Variants in JAZF1 observed in about 807,000 individuals in gnomAD.
The protein encoded by JAZF1 is juxtaposed with another zinc finger protein 1.
Under a neutral mutation model 26.4 loss-of-function variants are expected in JAZF1, and 8 were observed. The observed-to-expected ratio is 0.30, with a 90% CI of 0.18 to 0.55. The LOEUF is 0.55. Among genes scored for constraint, JAZF1 ranks in the 20% least tolerant of loss-of-function variants. JAZF1 has a pLI of 0.94. For missense variants in JAZF1, 199 were observed against 322.0 expected (o/e 0.62, Z 2.92); for synonymous variants, 126 against 122.3 (o/e 1.03, Z -0.20).
chr7:27,905,009 T>A (rs1392031926), intron 2 of JAZF1, among the ~76,000 whole-genome samples: 1 of 152,200 alleles, frequency 6.6e-6, no homozygotes, highest in East Asian at 1.9e-4. Flanking sequence ...TCACGGCTCA[T>A]TGCAGCCTTG....
At chr7:27,986,146 T>C (rs960061528) in intron 2 of JAZF1, among the ~76,000 whole-genome samples, 1 of 152,174 alleles carries the variant, frequency 6.6e-6, no homozygotes, top group Non-Finnish European at 1.5e-5. Flanking sequence ...TAAAGGGTAT[T>C]CAATTAGGAA....
rs532517751 is a variant in JAZF1 at position 27,986,103 on chromosome 7, C to T, written c.188+5806G>A. Reference sequence around the variant, plus strand: ...CTCCTATTCAACATAGTGTTGGAAGCTCTGGCCAGGGCAATCAGGCAAGAG... The same window carrying T: ...CTCCTATTCAACATAGTGTTGGAAGTTCTGGCCAGGGCAATCAGGCAAGAG... On this transcript the variant is annotated intron_variant, in intron 2 of 4. Coordinates refer to ENST00000283928, the MANE Select transcript of JAZF1 (RefSeq NM_175061.4). Among the ~76,000 whole-genome samples the T allele has an allele frequency of 1.1e-3, 161 of 152,286 alleles. 1 individual carries two copies. The highest frequency in any genetic ancestry group is 3.4e-3 in the African/African-American group (142 of 41,538).
chr7:28,063,790 T>C (rs1013231881), intron 1 of JAZF1, among the ~76,000 whole-genome samples: 3 of 152,146 alleles, frequency 2.0e-5, no homozygotes, highest in Non-Finnish European at 4.4e-5. Flanking sequence ...TTAGGACATC[T>C]AATTCACCAG....
At chr7:28,177,775 A>C (rs1783570966) in intron 1 of JAZF1, among the ~76,000 whole-genome samples, 1 of 152,216 alleles carries the variant, frequency 6.6e-6, no homozygotes, top group African/African-American at 2.4e-5. Flanking sequence ...GATAAATACC[A>C]CATAACAATA....
chr7:28,138,128 A>G (rs1782912174), intron 1 of JAZF1, among the ~76,000 whole-genome samples: 1 of 152,212 alleles, frequency 6.6e-6, no homozygotes, highest in South Asian at 2.1e-4. Context: ...ACCTGCTATG[A>G]AACAAGCAGG....
intron 1 of JAZF1, among the ~76,000 whole-genome samples, chr7:27,994,246 T>A (rs1347869674): frequency 6.6e-6 from 1 of 152,198 alleles, no homozygotes; most frequent in Non-Finnish European, 1.5e-5. Context: ...TCACACAAAC[T>A]GCATCTTGTA....
chr7:27,833,973 T>G (rs1320926219), intron 4 of JAZF1, among the ~76,000 whole-genome samples: 1 of 152,056 alleles, frequency 6.6e-6, no homozygotes, highest in Non-Finnish European at 1.5e-5. Flanking sequence ...ATTGCCAGAT[T>G]AGAGAGTAAG....
intron 1 of JAZF1, among the ~76,000 whole-genome samples, chr7:28,021,380 G>A (rs545591775): frequency 1.3e-5 from 2 of 152,294 alleles, no homozygotes; most frequent in African/African-American, 4.8e-5. Context: ...TGATCTGTGA[G>A]CTCTCAAAAC....
chr7:28,034,499 C>CACAT (rs1783251098), intron 1 of JAZF1, among the ~76,000 whole-genome samples: 1 of 151,314 alleles, frequency 6.6e-6, no homozygotes, highest in African/African-American at 2.5e-5. Flanking sequence ...CACACACACA[C>CACAT]ACACTGATTT....
chr7:27,933,529 T>G (rs1784718117), intron 2 of JAZF1, among the ~76,000 whole-genome samples: 1 of 152,240 alleles, frequency 6.6e-6, no homozygotes, highest in Non-Finnish European at 1.5e-5. Flanking sequence ...CAAAACAGGT[T>G]GTTTGGCTAT....
At chr7:27,924,203 G>A (rs754708358) in intron 2 of JAZF1, among the ~76,000 whole-genome samples, 16 of 152,154 alleles carry the variant, frequency 1.1e-4, no homozygotes, top group East Asian at 5.8e-4. Context: ...TCAGCCTCCC[G>A]AGCAGCTGGA....
chr7:27,948,911 G>A (rs1332770378), intron 2 of JAZF1, among the ~76,000 whole-genome samples: 11 of 152,236 alleles, frequency 7.2e-5, no homozygotes, highest in South Asian at 2.1e-4. Flanking sequence ...TTAACTTCAC[G>A]GATTTCTACC....
chr7:28,008,965 C>T (rs756243735), intron 1 of JAZF1, among the ~76,000 whole-genome samples: 1 of 152,170 alleles, frequency 6.6e-6, no homozygotes, highest in Non-Finnish European at 1.5e-5. Context: ...ACATTCAAGT[C>T]AAATGCAAAA....
intron 1 of JAZF1, chr7:28,180,250 C>T (rs1394322636): frequency 1.5e-5 from 2 of 132,306 alleles, no homozygotes; most frequent in Non-Finnish European, 3.3e-5. Flanking sequence ...CGCGGCACCT[C>T]GGGGCGCCCG....
intron 3 of JAZF1, among the ~76,000 whole-genome samples, chr7:27,890,382 G>A (rs910441608): frequency 6.6e-6 from 1 of 152,226 alleles, no homozygotes; most frequent in Non-Finnish European, 1.5e-5. Context: ...CATGCTGTTT[G>A]AATGGTAGAG....
chr7:27,936,318 A>G (rs1047616447), intron 2 of JAZF1, among the ~76,000 whole-genome samples: 27 of 152,150 alleles, frequency 1.8e-4, no homozygotes, highest in South Asian at 6.2e-4. Flanking sequence ...ACCACCACTT[A>G]TTTTAACAGT....
At chr7:28,048,282 T>C (rs1308729499) in intron 1 of JAZF1, among the ~76,000 whole-genome samples, 1 of 152,194 alleles carries the variant, frequency 6.6e-6, no homozygotes, top group Non-Finnish European at 1.5e-5. Context: ...GGTGTTCCTA[T>C]TTTATCAACG....
At chr7:28,081,808 A>T (rs1488323623) in intron 1 of JAZF1, among the ~76,000 whole-genome samples, 1 of 152,084 alleles carries the variant, frequency 6.6e-6, no homozygotes, top group Non-Finnish European at 1.5e-5. Flanking sequence ...CATGGACTGA[A>T]TTTTCTCTAT....
At chr7:27,893,003 C>A (rs1029435364) in intron 3 of JAZF1, among the ~76,000 whole-genome samples, 1 of 152,192 alleles carries the variant, frequency 6.6e-6, no homozygotes, top group African/African-American at 2.4e-5. Context: ...ATCTCCCATA[C>A]CTAATCTGTC....
Sources: gnomAD v4.1 joint callset for allele counts (sites outside exome capture counted in the v4.1 genomes callset) on GRCh38, gnomAD v4.1.1 for gene constraint, MANE v1.5 for transcripts, NCBI Gene and HGNC (gene_info 2026-07-23, HGNC 2026-07-21) for gene names.